FIP1L1: variants seen among roughly 807,000 people sequenced by gnomAD.
FIP1L1 encodes factor interacting with PAPOLA and CPSF1, also known as pre-mRNA 3'-end-processing factor FIP1.
Under a neutral mutation model 84.6 loss-of-function variants are expected in FIP1L1, and 21 were observed. The ratio of observed to expected loss-of-function variants is 0.25; its 90% CI spans 0.18 to 0.36. The LOEUF (loss-of-function observed/expected upper bound fraction) is 0.36, where lower values mean the gene tolerates loss of function less well. FIP1L1 is among the 10% of genes least tolerant of loss of function. The probability of loss-of-function intolerance (pLI) is 1.00; values close to 1 mark genes in which losing one functional copy is unlikely to be tolerated. For missense variants in FIP1L1, 526 were observed against 751.1 expected (o/e 0.70, Z 3.50); for synonymous variants, 263 against 242.3 (o/e 1.09, Z -0.80).
chr4:53,437,352 A>AAG (rs1321235223), intron 13 of FIP1L1, among the ~76,000 whole-genome samples: 55 of 139,872 alleles, frequency 3.9e-4, no homozygotes, highest in East Asian at 1.3e-3. Flanking sequence ...AAAAAAAAAA[A>AAG]AGAGAGAGAA....
intron 2 of FIP1L1, 38 bp downstream of exon 2, chr4:53,379,155 A>G (rs779351623): frequency 6.2e-6 from 10 of 1,610,754 alleles, no homozygotes; most frequent in Non-Finnish European, 8.5e-6. Context: ...TTTTCATAAT[A>G]CTAGTTTCTT....
intron 1 of FIP1L1, chr4:53,378,773 A>G: frequency 2.8e-6 from 1 of 351,158 alleles, no homozygotes; most frequent in Non-Finnish European, 5.2e-6. Context: ...TGCCTAAAAC[A>G]TATATTCTTG....
intron 10 of FIP1L1, among the ~76,000 whole-genome samples, chr4:53,406,396 C>T (rs1753484091): frequency 6.6e-6 from 1 of 152,144 alleles, no homozygotes; most frequent in African/African-American, 2.4e-5. Context: ...TGATGTGCTG[C>T]TGGATTTGTT....
At chr4:53,416,987 A>C (rs141794902) in intron 11 of FIP1L1, among the ~76,000 whole-genome samples, 1 of 152,038 alleles carries the variant, frequency 6.6e-6, no homozygotes, top group Non-Finnish European at 1.5e-5. Context: ...TACTTAAAAT[A>C]TGTTATTTTC....
At chr4:53,433,242 A>G (rs2150091390) in intron 13 of FIP1L1, among the ~76,000 whole-genome samples, 1 of 152,268 alleles carries the variant, frequency 6.6e-6, no homozygotes. Context: ...TGTACCTAAA[A>G]CTTTTTCATC....
chr4:53,403,356 CTT>C lies in FIP1L1; in HGVS notation c.815+3520_815+3521del, dbSNP rs543897873. ...TTTGAGAGAGACCACATTCATACAA[CTT>C]TTATTATATTAGATTGTTTTTAGAT... is the stretch of plus-strand genomic sequence containing the variant. On this transcript the variant is annotated intron_variant, in intron 10 of 17. Transcript: ENST00000337488. 5.1e-4 allele frequency among the ~76,000 whole-genome samples: 78 copies of C among 152,234 alleles called. 1 individual carries two copies. Among genetic ancestry groups the C allele is most frequent in the Admixed American group, 4.6e-3 (71 of 15,290 alleles).
rs1381749602 is a variant in FIP1L1 at position 53,458,597 on chromosome 4, A to G, written c.1500-56A>G. ...AGATCACATCTCTTTTACAGTTTGAATCCATTCAGAATTAATGGTCCAGTT... is the reference window on the plus strand; with the variant it reads ...AGATCACATCTCTTTTACAGTTTGAGTCCATTCAGAATTAATGGTCCAGTT... On this transcript the variant is annotated intron_variant, in intron 16 of 17. Transcript: ENST00000337488. 4 of 1,566,800 alleles carry G rather than the reference A, an allele frequency of 2.6e-6. No homozygotes were observed. In the African/African-American group the frequency reaches 5.5e-5, roughly 21 times the overall value.
intron 15 of FIP1L1, among the ~76,000 whole-genome samples, chr4:53,448,415 T>C (rs1775087455): frequency 1.3e-5 from 2 of 152,084 alleles, no homozygotes; most frequent in South Asian, 4.2e-4. Context: ...TCAAAATCAA[T>C]TGTTGCTTTT....
chr4:53,436,290 G>A (rs542711004), intron 13 of FIP1L1, among the ~76,000 whole-genome samples: 1 of 152,296 alleles, frequency 6.6e-6, no homozygotes, highest in South Asian at 2.1e-4. Flanking sequence ...GTCTCTCTCA[G>A]ACCTCACAGT....
At position 53,459,804 on chromosome 4, in the gene FIP1L1, ACT is replaced by A. The variant is rs1366518661; in HGVS notation, c.*360_*361del. 2.3e-5 allele frequency: 7 copies of A among 308,426 alleles called. No individual in the cohort carries two copies. Among genetic ancestry groups the A allele is most frequent in the Admixed American group, 4.7e-5 (1 of 21,176 alleles). 19.1% of individuals were successfully genotyped at this position (308,426 alleles called of 1,614,324 possible). On this transcript the variant is annotated 3_prime_UTR_variant, in exon 18 of 18. Coordinates refer to ENST00000337488, the MANE Select transcript of FIP1L1 (RefSeq NM_030917.4). Reference sequence around the variant, plus strand: ...ACAGTTTTTTTGTTAATCAAACACCACTCTCTTAAGAGGCTGCATCACAAAAG... The same window carrying A: ...ACAGTTTTTTTGTTAATCAAACACCACTCTTAAGAGGCTGCATCACAAAAG...
At position 53,391,488 on chromosome 4, in the gene FIP1L1, A is replaced by G. The variant is rs151072018; in HGVS notation, c.695A>G (p.Asn232Ser). The change falls in exon 9 of 18, where the codon AAT (asparagine) becomes AGT (serine). Residue 232 changes from asparagine to serine, a missense_variant. By Grantham distance (46) the Asn-to-Ser change is conservative. Around this residue, in one of 6 missense-constraint regions of FIP1L1, gnomAD observed 169 missense variants for 206.9 expected, o/e 0.82. Coordinates refer to ENST00000337488, the MANE Select transcript of FIP1L1 (RefSeq NM_030917.4). ...PGAEIQDGRFNLFKVQQGRTG... is the reference protein window; with the variant it reads ...PGAEIQDGRFSLFKVQQGRTG... ...GCAGAGATCCAAGATGGCAGATTCAATCTTTTTAAGGTGAATTTTAGTAAA... is the reference window on the plus strand; with the variant it reads ...GCAGAGATCCAAGATGGCAGATTCAGTCTTTTTAAGGTGAATTTTAGTAAA... 471 of 1,612,498 alleles carry G rather than the reference A, an allele frequency of 2.9e-4. No individual in the cohort carries two copies. The East Asian group carries it at 8.9e-3, about 30-fold the overall frequency.
chr4:53,408,844 G>A (rs60450168), intron 10 of FIP1L1, among the ~76,000 whole-genome samples: 2,158 of 152,154 alleles, frequency 0.014, 50 homozygotes, highest in African/African-American at 0.049. Context: ...TTTCAGCTCT[G>A]TCAGCTCCTT....
intron 3 of FIP1L1, among the ~76,000 whole-genome samples, chr4:53,380,415 G>A (rs575436201): frequency 6.6e-6 from 1 of 152,362 alleles, no homozygotes; most frequent in African/African-American, 2.4e-5. Context: ...TTGGGTGAGT[G>A]ATTGCTAATG....
intron 10 of FIP1L1, among the ~76,000 whole-genome samples, chr4:53,406,972 A>G (rs1275688738): frequency 6.6e-6 from 1 of 152,106 alleles, no homozygotes; most frequent in South Asian, 2.1e-4. Flanking sequence ...TGCTGGATTC[A>G]TTGATTTTTT....
At chr4:53,407,347 T>C (rs1204520495) in intron 10 of FIP1L1, among the ~76,000 whole-genome samples, 2 of 152,380 alleles carry the variant, frequency 1.3e-5, no homozygotes, top group African/African-American at 2.4e-5. Flanking sequence ...TCCTGAGTTC[T>C]AGTTTGATTG....
intron 9 of FIP1L1, among the ~76,000 whole-genome samples, chr4:53,395,281 GA>G (rs1746611365): frequency 1.3e-5 from 2 of 152,108 alleles, no homozygotes; most frequent in South Asian, 4.1e-4. Flanking sequence ...AGAAATTAAG[GA>G]AAAAAGAAAA....
intron 13 of FIP1L1, among the ~76,000 whole-genome samples, chr4:53,430,487 G>A (rs1255738949): frequency 6.6e-6 from 1 of 151,470 alleles, no homozygotes; most frequent in Non-Finnish European, 1.5e-5. Context: ...TACTACAGGC[G>A]TGTGCCACCA....
At chr4:53,423,601 A>G (rs889515799) in intron 11 of FIP1L1, among the ~76,000 whole-genome samples, 17 of 152,210 alleles carry the variant, frequency 1.1e-4, no homozygotes, top group African/African-American at 4.1e-4. Context: ...TGTGTGTCTT[A>G]TCATAAAACA....
chr4:53,452,293 T>C (rs886518628), intron 15 of FIP1L1, among the ~76,000 whole-genome samples: 5 of 152,164 alleles, frequency 3.3e-5, no homozygotes, highest in African/African-American at 1.2e-4. Context: ...AGTACACTTT[T>C]CTAGGTTGAA....
Sources: gnomAD v4.1 joint callset for allele counts (sites outside exome capture counted in the v4.1 genomes callset) on GRCh38, gnomAD v4.1.1 for gene constraint, gnomAD v4.1.1 regional missense constraint, MANE v1.5 for transcripts, NCBI Gene and HGNC (gene_info 2026-07-23, HGNC 2026-07-21) for gene names.